Variants in SIPA1L2 observed in about 807,000 individuals in gnomAD.
SIPA1L2 encodes the protein signal induced proliferation associated 1 like 2, also known as signal-induced proliferation-associated 1-like protein 2.
SIPA1L2 carries 56 observed loss-of-function variants against 163.9 expected under a neutral mutation model. The observed-to-expected ratio is 0.34, with a 90% CI of 0.28 to 0.43. The LOEUF (loss-of-function observed/expected upper bound fraction) is 0.43. Among genes scored for constraint, SIPA1L2 ranks in the 20% least tolerant of loss-of-function variants. SIPA1L2 has a pLI of 1.00. For synonymous variants in SIPA1L2, 877 were observed against 865.7 expected (o/e 1.01, Z -0.23); for missense variants, 1,974 against 2,193.5 (o/e 0.90, Z 2.00).
chr1:232,474,443 G>A lies in SIPA1L2; in HGVS notation c.2086-2915C>T, dbSNP rs565243225. Among the ~76,000 whole-genome samples the A allele has an allele frequency of 3.0e-4, 45 of 152,298 alleles. 2 individuals are homozygous for A. The South Asian group carries it at 4.1e-3, about 14-fold the overall frequency. On this transcript the variant is annotated intron_variant, in intron 7 of 22. Coordinates refer to ENST00000674635, the MANE Select transcript of SIPA1L2 (RefSeq NM_020808.5). ...TGCTACAGAAATACCATATATGGCC[G>A]TAGGTTTAGCCTCAGTTCCTTAAAC...
At chr1:232,551,333 C>T (rs764883537) in intron 2 of SIPA1L2, among the ~76,000 whole-genome samples, 1 of 152,108 alleles carries the variant, frequency 6.6e-6, no homozygotes, top group African/African-American at 2.4e-5. Context: ...AAGGGGTAGA[C>T]CTGAAATACT....
chr1:232,449,448 G>GCGCTC (rs1396298605), intron 10 of SIPA1L2, among the ~76,000 whole-genome samples: 3 of 151,258 alleles, frequency 2.0e-5, no homozygotes, highest in Non-Finnish European at 4.4e-5. Context: ...AACCCAAGAG[G>GCGCTC]CGGAGCTTGC....
intron 1 of SIPA1L2, among the ~76,000 whole-genome samples, chr1:232,609,809 G>A (rs1342853984): frequency 3.7e-5 from 5 of 134,500 alleles, no homozygotes; most frequent in Admixed American, 8.5e-5. Context: ...CAGCCCAGGC[G>A]ACAGTGCGAG....
At chr1:232,453,335 T>C (rs1212580004) in intron 10 of SIPA1L2, among the ~76,000 whole-genome samples, 1 of 152,184 alleles carries the variant, frequency 6.6e-6, no homozygotes, top group Admixed American at 6.5e-5. Flanking sequence ...GAGAGGGCAG[T>C]TGACCAGTTA....
At chr1:232,499,516 G>A (rs1051005176) in intron 3 of SIPA1L2, among the ~76,000 whole-genome samples, 2 of 152,220 alleles carry the variant, frequency 1.3e-5, no homozygotes, top group African/African-American at 2.4e-5. Context: ...ACAGAGGTGA[G>A]GAAGGTGCAG....
chr1:232,432,126 A>G (rs1662279028), intron 16 of SIPA1L2, 121 bp downstream of exon 16: 1 of 790,694 alleles, frequency 1.3e-6, no homozygotes, highest in African/African-American at 1.7e-5. Flanking sequence ...AGAGTTTAAG[A>G]AAGATGTTTT....
intron 22 of SIPA1L2, among the ~76,000 whole-genome samples, chr1:232,400,805 C>T (rs1431394913): frequency 6.6e-6 from 1 of 152,154 alleles, no homozygotes; most frequent in Non-Finnish European, 1.5e-5. Context: ...ACCCCACCCT[C>T]CTCAACCCCC....
At position 232,575,283 on chromosome 1, in the gene SIPA1L2, C is replaced by T. The variant is rs12037384; in HGVS notation, c.-318-1061G>A. Among the ~76,000 whole-genome samples the T allele has an allele frequency of 5.6e-3, 855 of 152,274 alleles. 51 individuals are homozygous for T. The East Asian group carries it at 0.13, about 23-fold the overall frequency. The stretch of plus-strand genomic sequence containing the variant: ...AAGACAAACCCCAAGAAGGAGGGCA[C>T]CCCAGAGACAGTCCCAGTTTACAAG... On this transcript the variant is annotated intron_variant, in intron 1 of 22. Transcript: ENST00000674635.
chr1:232,567,573 C>G (rs1659479560), intron 2 of SIPA1L2, among the ~76,000 whole-genome samples: 1 of 151,938 alleles, frequency 6.6e-6, no homozygotes, highest in South Asian at 2.1e-4. Context: ...AAAAAATTTC[C>G]AAGTTATAAA....
rs143014807 is a variant in SIPA1L2, at chr1:232,489,249, A to T, written c.1806+1625T>A. Among the ~76,000 whole-genome samples the T allele has an allele frequency of 2.3e-3, 353 of 152,292 alleles. 3 individuals are homozygous for T. The highest frequency in any genetic ancestry group is 8.0e-3 in the African/African-American group (332 of 41,556). On this transcript the variant is annotated intron_variant, in intron 5 of 22. Transcript: ENST00000674635. ...TTCTTTTCACCAACTCTCTTACAAC[A>T]TGCAAATGAATGCTATTCTTCTCAT...
intron 19 of SIPA1L2, among the ~76,000 whole-genome samples, chr1:232,405,113 ATG>A (rs1193239670): frequency 1.0e-3 from 159 of 152,288 alleles, no homozygotes; most frequent in African/African-American, 3.8e-3. Flanking sequence ...ATTAAAAAGG[ATG>A]GTCACATTGA....
intron 3 of SIPA1L2, among the ~76,000 whole-genome samples, chr1:232,502,559 C>T (rs987268411): frequency 2.7e-5 from 4 of 150,936 alleles, no homozygotes; most frequent in African/African-American, 9.7e-5. Flanking sequence ...TCAAAGATGG[C>T]AGGTGAATTA....
chr1:232,444,454 A>G (rs1390216768), intron 11 of SIPA1L2, among the ~76,000 whole-genome samples: 1 of 152,178 alleles, frequency 6.6e-6, no homozygotes, highest in Admixed American at 6.5e-5. Flanking sequence ...AACTTAGCCG[A>G]CTTTTGAGTT....
chr1:232,481,109 A>T lies in SIPA1L2; in HGVS notation c.1982-1379T>A, dbSNP rs187050178. On this transcript the variant is annotated intron_variant, in intron 6 of 22. Coordinates refer to ENST00000674635, the MANE Select transcript of SIPA1L2 (RefSeq NM_020808.5). ...TCATCCAAAAAGTTATATATAAATC[A>T]GCCCCGCCAAAAAAAAATTCCTTTT... is the stretch of plus-strand genomic sequence containing the variant. Among the ~76,000 whole-genome samples, 155 of 152,354 alleles carry T rather than the reference A, an allele frequency of 1.0e-3. 1 individual carries two copies. Among genetic ancestry groups the T allele is most frequent in the African/African-American group, 3.4e-3 (143 of 41,574 alleles).
chr1:232,504,716 A>C (rs1558229244), intron 3 of SIPA1L2, among the ~76,000 whole-genome samples: 1 of 152,186 alleles, frequency 6.6e-6, no homozygotes, highest in Non-Finnish European at 1.5e-5. Flanking sequence ...AAGCTTGAAA[A>C]ATCCAAGGCA....
intron 7 of SIPA1L2, 83 bp downstream of exon 7, chr1:232,479,544 G>A (rs1001148854): frequency 2.8e-6 from 3 of 1,075,522 alleles, no homozygotes; most frequent in African/African-American, 3.1e-5. Flanking sequence ...TTCTTTGCAA[G>A]TTCTACATGC....
At position 232,433,201 on chromosome 1, in the gene SIPA1L2, A is replaced by G. The variant is rs528387924; in HGVS notation, c.4032-730T>C. On this transcript the variant is annotated intron_variant, in intron 15 of 22. Coordinates refer to ENST00000674635, the MANE Select transcript of SIPA1L2 (RefSeq NM_020808.5). ...TCGATTAATAACTATGAATGAATAC[A>G]CGGAATACTCTACGAATGAATGGAC... is the stretch of plus-strand genomic sequence containing the variant. 1.7e-4 allele frequency among the ~76,000 whole-genome samples: 26 copies of G among 152,342 alleles called. No homozygotes were observed. In the South Asian group the frequency reaches 5.4e-3, roughly 32 times the overall value.
At position 232,498,731 on chromosome 1, in the gene SIPA1L2, T is replaced by C. The variant is rs116120176; in HGVS notation, c.1484-5071A>G. Among the ~76,000 whole-genome samples the C allele has an allele frequency of 1.1e-3, 164 of 152,328 alleles. 2 individuals carry two copies. The highest frequency in any genetic ancestry group is 3.7e-3 in the African/African-American group (153 of 41,572). ...TCTCTTCTGTAGTCAAATTTCCCTC[T>C]GTTTTCCTCCTTATAAGGACACCTG... is the stretch of plus-strand genomic sequence containing the variant. On this transcript the variant is annotated intron_variant, in intron 3 of 22. Coordinates refer to ENST00000674635, the MANE Select transcript of SIPA1L2 (RefSeq NM_020808.5).
At chr1:232,560,764 T>C (rs1215709510) in intron 2 of SIPA1L2, among the ~76,000 whole-genome samples, 1 of 152,154 alleles carries the variant, frequency 6.6e-6, no homozygotes, top group Non-Finnish European at 1.5e-5. Context: ...ATATAATTTC[T>C]CACAGTGGAA....
Sources: allele counts gnomAD v4.1 joint callset (sites outside exome capture counted in the v4.1 genomes callset), GRCh38; gene constraint gnomAD v4.1.1; transcripts MANE v1.5; gene names NCBI Gene and HGNC (gene_info 2026-07-23, HGNC 2026-07-21).